MRPL28: variants seen among roughly 807,000 people sequenced by gnomAD.
MRPL28 encodes the protein mitochondrial ribosomal protein L28, also known as large ribosomal subunit protein bL28m.
MRPL28 carries 25 observed loss-of-function variants against 26.2 expected under a neutral mutation model. That is an observed-to-expected ratio of 0.95 (90% CI 0.69 to 1.33). The LOEUF (loss-of-function observed/expected upper bound fraction) is 1.33. Ranked by LOEUF, MRPL28 falls within the 40% of genes most tolerant of loss-of-function variation. MRPL28 has a pLI of 0.00. For synonymous variants in MRPL28, 227 were observed against 140.1 expected (o/e 1.62, Z -4.38); for missense variants, 432 against 327.2 (o/e 1.32, Z -2.47).
rs746512807 is a variant in MRPL28 at position 367,627 on chromosome 16, T to G, written c.*48A>C. 6.1e-5 allele frequency: 94 copies of G among 1,539,680 alleles called. No homozygotes were observed. The highest frequency in any genetic ancestry group is 8.0e-5 in the Non-Finnish European group (89 of 1,114,864). On this transcript the variant is annotated 3_prime_UTR_variant, in exon 6 of 6. Coordinates refer to ENST00000199706, the MANE Select transcript of MRPL28 (RefSeq NM_006428.5). ...ATCTGTGTCCTCAGTGCAAAGGGCC[T>G]GGCAGGGAAAGCTGGGCCTGTTGGT...
At chr16:367,938 G>A (rs2054275471) in intron 5 of MRPL28, among the ~76,000 whole-genome samples, 156 bp from the exon 6 acceptor site, 1 of 152,206 alleles carries the variant, frequency 6.6e-6, no homozygotes, top group African/African-American at 2.4e-5. Context: ...CCCCTCCCTT[G>A]GGGATGCCGG....
In MRPL28 at chr16:367,328, G is replaced by A. The variant is rs1334671298; in HGVS notation, c.*347C>T. The stretch of plus-strand genomic sequence containing the variant: ...CATCCGAGGTCTCAGGGGCAGCAAG[G>A]GCAGGGGTGACAGGATCAGGATCCC... On this transcript the variant is annotated 3_prime_UTR_variant, in exon 6 of 6. Coordinates refer to ENST00000199706, the MANE Select transcript of MRPL28 (RefSeq NM_006428.5). The A allele has an allele frequency of 9.6e-6, 6 of 626,342 alleles. No homozygotes were observed. Among genetic ancestry groups the A allele is most frequent in the Non-Finnish European group, 1.8e-5 (6 of 335,502 alleles). 38.8% of individuals were successfully genotyped at this position (626,342 alleles called of 1,614,324 possible). A position where few individuals can be genotyped will look rare whatever the true frequency, so the allele number is the denominator to read the frequency against.
intron 2 of MRPL28, 40 bp from the exon 3 acceptor site, chr16:369,260 C>G (rs2054293245): frequency 1.9e-6 from 3 of 1,576,732 alleles, no homozygotes; most frequent in Non-Finnish European, 2.6e-6. Context: ...CTGCTGCTTT[C>G]TCTTACATAC....
Position 368,578 on chromosome 16 carries a change from G to A in MRPL28, c.499C>T (p.Leu167=). The A allele has an allele frequency of 6.3e-7, 1 of 1,599,046 alleles. No homozygotes were observed. Among genetic ancestry groups the A allele is most frequent in the Non-Finnish European group, 8.5e-7 (1 of 1,171,016 alleles). The change falls in exon 4 of 6, where the codon CTG becomes TTG. Residue 167 remains leucine (L), a synonymous_variant. Coordinates refer to ENST00000199706, the MANE Select transcript of MRPL28 (RefSeq NM_006428.5). The part of the protein sequence containing the change: ...FGMDLKRGML[L]RLARQDPQLH... ...TGGGGGTCCTGCCGGGCAAGCCGCA[G>A]CAGCATCCCTCGCTTCAGGTCCATC...
intron 1 of MRPL28, 42 bp from the exon 2 acceptor site, chr16:370,267 A>C (rs117264571): frequency 0.033 from 30,449 of 933,060 alleles, 1,301 homozygotes; most frequent in African/African-American, 0.19. Context: ...CAGCCTGGCC[A>C]GGCCCCCGGC....
Position 367,356 on chromosome 16 carries a change from AAG to A in MRPL28, c.*317_*318del. 1 of 648,942 alleles carries A rather than the reference AAG, an allele frequency of 1.5e-6. No homozygotes were observed. The highest frequency in any genetic ancestry group is 2.9e-6 in the Non-Finnish European group (1 of 345,266). The allele number at this position is 648,942 out of a possible 1,614,324, so 40.2% of individuals were successfully genotyped here. A position where few individuals can be genotyped will look rare whatever the true frequency, so the allele number is the denominator to read the frequency against. On this transcript the variant is annotated 3_prime_UTR_variant, in exon 6 of 6. Coordinates refer to ENST00000199706, the MANE Select transcript of MRPL28 (RefSeq NM_006428.5). ...AGGGGTGACAGGATCAGGATCCCCA[AAG>A]AGAACACCAGTCCTCAAAGCAAAGA...
rs554409320 is a variant in MRPL28 at position 367,360 on chromosome 16, G to C, written c.*315C>G. On this transcript the variant is annotated 3_prime_UTR_variant, in exon 6 of 6. Transcript: ENST00000199706. ...GTGACAGGATCAGGATCCCCAAAGA[G>C]AACACCAGTCCTCAAAGCAAAGATA... 1 of 653,468 alleles carries C rather than the reference G, an allele frequency of 1.5e-6. No homozygotes were observed. The highest frequency in any genetic ancestry group is 1.8e-5 in the African/African-American group (1 of 55,460). The allele number at this position is 653,468 out of a possible 1,614,324, so 40.5% of individuals were successfully genotyped here.
chr16:368,903 C>A (rs1382601315), intron 3 of MRPL28, 165 bp downstream of exon 3: 3 of 1,069,716 alleles, frequency 2.8e-6, no homozygotes, highest in Admixed American at 5.7e-5. Context: ...GGCAGGAAAC[C>A]CCACTGGTGC....
At chr16:369,839 A>C (rs1448036467) in intron 2 of MRPL28, 92 bp downstream of exon 2, 11 of 1,481,960 alleles carry the variant, frequency 7.4e-6, no homozygotes, top group Admixed American at 3.7e-5. Flanking sequence ...CCCAGGGCCC[A>C]CCCAGGTCTC....
chr16:369,227 G>T lies in MRPL28; in HGVS notation c.289-7C>A, dbSNP rs745925669. 4.3e-6 allele frequency: 7 copies of T among 1,613,482 alleles called. No individual in the cohort carries two copies. The African/African-American group carries it at 8.0e-5, about 18-fold the overall frequency. ...TCTTCAGCCTCTTGGAGAGCTGAGG[G>T]TGCAACAGAGCCTCCATGAGTACTG... On this transcript the variant is annotated splice_region_variant and splice_polypyrimidine_tract_variant and intron_variant, in intron 2 of 5. Transcript: ENST00000199706.
In MRPL28 at chr16:368,191, A is replaced by G. The variant is rs970009083; in HGVS notation, c.663+137T>C. 1.5e-5 allele frequency: 15 copies of G among 1,003,172 alleles called. No homozygotes were observed. In the African/African-American group the frequency reaches 1.9e-4, roughly 13 times the overall value. 62.1% of individuals were successfully genotyped at this position (1,003,172 alleles called of 1,614,324 possible). ...GCGGGCCATGCTCCTCTGGGTGGGC[A>G]ATGCAGAGCAGCAGCTCTTCCCCAA... On this transcript the variant is annotated intron_variant, in intron 5 of 5. Coordinates refer to ENST00000199706, the MANE Select transcript of MRPL28 (RefSeq NM_006428.5).
chr16:369,368 C>G, intron 2 of MRPL28, 148 bp from the exon 3 acceptor site: 1 of 1,068,238 alleles, frequency 9.4e-7, no homozygotes, highest in Non-Finnish European at 1.3e-6. Context: ...CTGGGCCGGC[C>G]CCCAGCCCAG....
At chr16:367,809 G>C in intron 5 of MRPL28, 27 bp from the exon 6 acceptor site, 1 of 1,597,812 alleles carries the variant, frequency 6.3e-7, no homozygotes, top group South Asian at 1.1e-5. Flanking sequence ...CTCATGGTGA[G>C]GCCAGGGAAG....
Position 367,524 on chromosome 16 carries a change from C to T in MRPL28, c.*151G>A, listed in dbSNP as rs757924525. On this transcript the variant is annotated 3_prime_UTR_variant, in exon 6 of 6. Transcript: ENST00000199706. The stretch of plus-strand genomic sequence containing the variant: ...CTGGGGATCCCTGCCAAGCTGGCCC[C>T]GGGCTGGAAGGTGCATGGGCAGCAC... 3.0e-5 allele frequency: 23 copies of T among 772,262 alleles called. No individual in the cohort carries two copies. Among genetic ancestry groups the T allele is most frequent in the East Asian group, 5.4e-5 (2 of 37,172 alleles). The allele number at this position is 772,262 out of a possible 1,614,324, so 47.8% of individuals were successfully genotyped here. A position where few individuals can be genotyped will look rare whatever the true frequency, so the allele number is the denominator to read the frequency against.
At chr16:369,490 A>G in intron 2 of MRPL28, 1 of 634,460 alleles carries the variant, frequency 1.6e-6, no homozygotes, top group Non-Finnish European at 2.9e-6. Flanking sequence ...TTTCAGAAAC[A>G]TGTGCGACCC....
Position 367,723 on chromosome 16 carries a change from C to T in MRPL28, c.723G>A (p.Gln241=). The change falls in exon 6 of 6, where the codon CAG becomes CAA. Residue 241 remains glutamine (Q), a synonymous_variant. Transcript: ENST00000199706. ...VAELIQQLQQ[Q]ALSEPAVVQK... ...GCACCACCGCCGGCTCTGACAGTGCCTGCTGCTGCAGCTGCTGGATCAGCT... is the reference window on the plus strand; with the variant it reads ...GCACCACCGCCGGCTCTGACAGTGCTTGCTGCTGCAGCTGCTGGATCAGCT... The T allele has an allele frequency of 5.0e-6, 8 of 1,613,894 alleles. No individual in the cohort carries two copies. Among genetic ancestry groups the T allele is most frequent in the Non-Finnish European group, 6.8e-6 (8 of 1,180,022 alleles).
intron 3 of MRPL28, 183 bp from the exon 4 acceptor site, chr16:368,818 A>T: frequency 9.2e-7 from 1 of 1,085,616 alleles, no homozygotes; most frequent in Non-Finnish European, 1.3e-6. Context: ...GTCCAAGTGC[A>T]GGGAAAGGGG....
At chr16:369,287 A>T in intron 2 of MRPL28, 67 bp from the exon 3 acceptor site, 1 of 1,308,386 alleles carries the variant, frequency 7.6e-7, no homozygotes, top group Non-Finnish European at 1.1e-6. Flanking sequence ...GGGCCCAGGC[A>T]ACTGCCCTCA....
intron 4 of MRPL28, 33 bp downstream of exon 4, chr16:368,468 C>T (rs1449211214): frequency 1.2e-6 from 2 of 1,612,276 alleles, no homozygotes; most frequent in African/African-American, 2.7e-5. Flanking sequence ...GCCACGAGTC[C>T]CCAGGTGTAG....
Sources: allele counts gnomAD v4.1 joint callset (sites outside exome capture counted in the v4.1 genomes callset), GRCh38; gene constraint gnomAD v4.1.1; transcripts MANE v1.5; gene names NCBI Gene and HGNC (gene_info 2026-07-23, HGNC 2026-07-21).